The following TRABD2B variants were observed in gnomAD, a reference collection of about 807,000 sequenced individuals.
The protein encoded by TRABD2B is TraB domain containing 2B.
Under a neutral mutation model 40.1 loss-of-function variants are expected in TRABD2B, and 14 were observed. That is an observed-to-expected ratio of 0.35 (90% CI 0.23 to 0.55). The LOEUF is 0.55. Among genes scored for constraint, TRABD2B ranks in the 20% least tolerant of loss-of-function variants. The pLI is 0.90. For missense variants in TRABD2B, 541 were observed against 648.6 expected, an observed-to-expected ratio of 0.83 and a Z score of 1.80; for synonymous variants, 263 against 277.0, an observed-to-expected ratio of 0.95 and a Z score of 0.50.
At chr1:47,922,027 C>T (rs1644908576) in intron 2 of TRABD2B, among the ~76,000 whole-genome samples, 2 of 152,166 alleles carry the variant, frequency 1.3e-5, no homozygotes, top group South Asian at 4.1e-4. Flanking sequence ...TAATGAGAGG[C>T]AGAACTGGGG....
chr1:47,909,519 GAGGAGA>G (rs1373990702), intron 2 of TRABD2B, among the ~76,000 whole-genome samples: 3 of 141,542 alleles, frequency 2.1e-5, no homozygotes, highest in Middle Eastern at 3.6e-3. Context: ...GGAGAAGGGG[GAGGAGA>G]AGGAGAAGGA....
chr1:47,800,316 G>A (rs1199048892), intron 3 of TRABD2B, among the ~76,000 whole-genome samples: 1 of 152,188 alleles, frequency 6.6e-6, no homozygotes, highest in Non-Finnish European at 1.5e-5. Flanking sequence ...GGTGGTTGGG[G>A]CCAGCCTCAC....
At chr1:47,937,087 C>T (rs1344734368) in intron 2 of TRABD2B, among the ~76,000 whole-genome samples, 2 of 145,106 alleles carry the variant, frequency 1.4e-5, no homozygotes, top group African/African-American at 5.1e-5. Flanking sequence ...ATCATCACCA[C>T]TACCATGATC....
chr1:47,869,714 G>C (rs937876846), intron 2 of TRABD2B, among the ~76,000 whole-genome samples: 2 of 152,242 alleles, frequency 1.3e-5, no homozygotes, highest in African/African-American at 4.8e-5. Flanking sequence ...ATGGCCATCA[G>C]ATAGCGCTCA....
At chr1:47,928,813 C>T (rs1426398911) in intron 2 of TRABD2B, among the ~76,000 whole-genome samples, 5 of 152,204 alleles carry the variant, frequency 3.3e-5, no homozygotes, top group Non-Finnish European at 7.3e-5. Flanking sequence ...GCTCACATCC[C>T]TCATTTTCAC....
intron 2 of TRABD2B, among the ~76,000 whole-genome samples, chr1:47,990,967 G>A (rs1180942186): frequency 6.6e-6 from 1 of 150,994 alleles, no homozygotes; most frequent in Non-Finnish European, 1.5e-5. Context: ...CAGCCTCATA[G>A]CCGAAGGAAA....
At chr1:47,990,771 T>TTATATATA (rs55649435) in intron 2 of TRABD2B, among the ~76,000 whole-genome samples, 1 of 36,574 alleles carries the variant, frequency 2.7e-5, no homozygotes, top group Non-Finnish European at 5.2e-5. Context: ...AACGTTGGTT[T>TTATATATA]TATATATATA....
At chr1:47,782,164 A>G (rs1190207935) in intron 4 of TRABD2B, among the ~76,000 whole-genome samples, 8 of 152,094 alleles carry the variant, frequency 5.3e-5, no homozygotes, top group African/African-American at 1.9e-4. Flanking sequence ...CTCAGAACCT[A>G]TAGAATCCAA....
chr1:47,889,210 C>A, intron 2 of TRABD2B, among the ~76,000 whole-genome samples: 1 of 152,186 alleles, frequency 6.6e-6, no homozygotes, highest in South Asian at 2.1e-4. Context: ...CCACAACACA[C>A]CTTAGCCTCA....
chr1:47,927,268 C>T (rs1368720291), intron 2 of TRABD2B, among the ~76,000 whole-genome samples: 2 of 152,206 alleles, frequency 1.3e-5, no homozygotes, highest in Admixed American at 1.3e-4. Flanking sequence ...AGCCTTCCTG[C>T]TCTGGCTGAG....
chr1:47,898,048 T>A (rs564491729), intron 2 of TRABD2B, among the ~76,000 whole-genome samples: 2 of 152,248 alleles, frequency 1.3e-5, no homozygotes, highest in East Asian at 3.9e-4. Flanking sequence ...ACACAGGTTG[T>A]TGGGTGGCAC....
At chr1:47,924,419 C>A (rs978168486) in intron 2 of TRABD2B, among the ~76,000 whole-genome samples, 1 of 152,220 alleles carries the variant, frequency 6.6e-6, no homozygotes, top group Admixed American at 6.5e-5. Context: ...AGAACGTGGA[C>A]TCCTACCCCG....
intron 2 of TRABD2B, among the ~76,000 whole-genome samples, chr1:47,885,830 G>A (rs909736078): frequency 6.6e-6 from 1 of 152,284 alleles, no homozygotes; most frequent in East Asian, 1.9e-4. Context: ...GAGCTCAAAG[G>A]AGCTTAATGA....
intron 6 of TRABD2B, among the ~76,000 whole-genome samples, chr1:47,768,022 G>A (rs954902633): frequency 6.6e-6 from 1 of 152,196 alleles, no homozygotes; most frequent in Non-Finnish European, 1.5e-5. Context: ...ACTCCACATG[G>A]GCTCTTGGCT....
At chr1:47,949,982 G>A (rs1284895672) in intron 2 of TRABD2B, among the ~76,000 whole-genome samples, 2 of 151,960 alleles carry the variant, frequency 1.3e-5, no homozygotes, top group East Asian at 2.0e-4. Context: ...GACAAATGGT[G>A]TAAAGAAAGG....
chr1:47,788,620 G>A (rs114286370), intron 4 of TRABD2B, among the ~76,000 whole-genome samples: 2,308 of 152,332 alleles, frequency 0.015, 85 homozygotes, highest in Admixed American at 0.089. Flanking sequence ...AGGAATCCAA[G>A]AGAGGCTGGA....
chr1:47,776,443 G>A (rs114469038), intron 5 of TRABD2B, among the ~76,000 whole-genome samples: 1,751 of 152,312 alleles, frequency 0.011, 34 homozygotes, highest in African/African-American at 0.04. Flanking sequence ...CACAGTGCCT[G>A]GCACATAAGC....
chr1:47,878,718 G>A (rs10890511), intron 2 of TRABD2B, among the ~76,000 whole-genome samples: 114,519 of 152,144 alleles, frequency 0.75, 43,569 homozygotes, highest in East Asian at 0.98. Flanking sequence ...TGAGTTACTG[G>A]TAAGATTTTA....
chr1:47,828,880 A>G (rs967714821), intron 2 of TRABD2B, among the ~76,000 whole-genome samples: 1 of 152,192 alleles, frequency 6.6e-6, no homozygotes, highest in Non-Finnish European at 1.5e-5. Flanking sequence ...AGGCAGGGCT[A>G]TGACCCAGCC....
Sources: gnomAD v4.1 joint callset for allele counts (sites outside exome capture counted in the v4.1 genomes callset) on GRCh38, gnomAD v4.1.1 for gene constraint, MANE v1.5 for transcripts, NCBI Gene and HGNC (gene_info 2026-07-23, HGNC 2026-07-21) for gene names.